VOPP1: variants seen among roughly 807,000 people sequenced by gnomAD.
VOPP1 encodes the protein WW domain binding protein VOPP1.
In VOPP1, 8 loss-of-function variants were observed where a neutral mutation model predicts 23.5. The observed-to-expected ratio is 0.34, with a 90% CI of 0.20 to 0.61. VOPP1 has a LOEUF of 0.61. Among genes scored for constraint, VOPP1 ranks in the 20% least tolerant of loss-of-function variants. The pLI is 0.78. For synonymous variants in VOPP1, 83 were observed against 97.3 expected, an observed-to-expected ratio of 0.85 and a Z score of 0.86; for missense variants, 174 against 238.1, an observed-to-expected ratio of 0.73 and a Z score of 1.77.
At chr7:55,528,353 T>C (rs971245207) in intron 1 of VOPP1, among the ~76,000 whole-genome samples, 9 of 152,250 alleles carry the variant, frequency 5.9e-5, no homozygotes, top group South Asian at 4.1e-4. Flanking sequence ...CCACTATACA[T>C]TTTGTTAGTC....
chr7:55,461,389 T>TA (rs536045594), intron 4 of VOPP1, among the ~76,000 whole-genome samples: 2,095 of 150,980 alleles, frequency 0.014, 19 homozygotes, highest in Middle Eastern at 0.031. Context: ...TACAGAAATT[T>TA]AAAAAAAAAT....
At chr7:55,476,437 TG>T (rs200924383) in intron 4 of VOPP1, among the ~76,000 whole-genome samples, 31 of 20,686 alleles carry the variant, frequency 1.5e-3, no homozygotes, top group Non-Finnish European at 2.8e-3. Context: ...GTCGGGGGGG[TG>T]GGCGGGGGGG....
At chr7:55,548,157 T>C (rs1797447258) in intron 1 of VOPP1, among the ~76,000 whole-genome samples, 1 of 152,244 alleles carries the variant, frequency 6.6e-6, no homozygotes, top group South Asian at 2.1e-4. Flanking sequence ...GCCCTTGCAT[T>C]CTATTTCGTT....
intron 2 of VOPP1, among the ~76,000 whole-genome samples, chr7:55,501,245 T>C (rs1050514274): frequency 6.6e-6 from 1 of 152,170 alleles, no homozygotes; most frequent in Non-Finnish European, 1.5e-5. Flanking sequence ...AAAGATGCGA[T>C]ATGAGGTGAA....
intron 1 of VOPP1, among the ~76,000 whole-genome samples, chr7:55,525,467 C>T (rs1017273979): frequency 8.1e-5 from 12 of 147,674 alleles, no homozygotes; most frequent in Middle Eastern, 3.5e-3. Flanking sequence ...CCAGCCTGGG[C>T]GACAGAGCGA....
At chr7:55,545,631 C>T (rs1170564330) in intron 1 of VOPP1, among the ~76,000 whole-genome samples, 1 of 152,194 alleles carries the variant, frequency 6.6e-6, no homozygotes, top group Admixed American at 6.5e-5. Context: ...AGCTTGCGGG[C>T]CACACTGGTT....
At position 55,541,821 on chromosome 7, in the gene VOPP1, G is replaced by A. The variant is rs533580241; in HGVS notation, c.55-20691C>T. ...AGAGAAGCCCGTCCTAAGGGACCAC[G>A]TTACATGATTCCATTTATATGACAT... is the stretch of plus-strand genomic sequence containing the variant. On this transcript the variant is annotated intron_variant, in intron 1 of 4. Coordinates refer to ENST00000285279, the MANE Select transcript of VOPP1 (RefSeq NM_030796.5). 6.0e-5 allele frequency among the ~76,000 whole-genome samples: 9 copies of A among 148,982 alleles called. No individual in the cohort carries two copies. The South Asian group carries it at 1.5e-3, about 24-fold the overall frequency.
chr7:55,567,452 A>G (rs1798199799), intron 1 of VOPP1, among the ~76,000 whole-genome samples: 1 of 152,248 alleles, frequency 6.6e-6, no homozygotes, highest in African/African-American at 2.4e-5. Context: ...AGCTTCATCA[A>G]GAGGACATGA....
intron 2 of VOPP1, among the ~76,000 whole-genome samples, chr7:55,519,166 T>C (rs1186491105): frequency 6.6e-6 from 1 of 152,194 alleles, no homozygotes; most frequent in Non-Finnish European, 1.5e-5. Context: ...GTGACTTCAC[T>C]TTTCCATTTT....
intron 4 of VOPP1, among the ~76,000 whole-genome samples, chr7:55,486,502 CAG>C (rs1330946645): frequency 2.0e-5 from 3 of 152,136 alleles, no homozygotes; most frequent in Admixed American, 2.0e-4. Flanking sequence ...ATAACGGAGA[CAG>C]AGACAGAATG....
At chr7:55,533,155 A>C (rs965013663) in intron 1 of VOPP1, among the ~76,000 whole-genome samples, 1 of 152,186 alleles carries the variant, frequency 6.6e-6, no homozygotes, top group Non-Finnish European at 1.5e-5. Context: ...CAATCAACTC[A>C]ATCATTTCTG....
intron 4 of VOPP1, among the ~76,000 whole-genome samples, chr7:55,481,663 G>A (rs916681253): frequency 6.6e-6 from 1 of 152,212 alleles, no homozygotes; most frequent in African/African-American, 2.4e-5. Context: ...GCATGCATTT[G>A]TTCATTTACA....
At chr7:55,521,555 T>A (rs1425805625) in intron 1 of VOPP1, 1 of 994,754 alleles carries the variant, frequency 1.0e-6, no homozygotes, top group Non-Finnish European at 1.2e-6. Flanking sequence ...TATTTCAGAA[T>A]ATGCTAAAGC....
chr7:55,517,911 G>A (rs1192321331), intron 2 of VOPP1, among the ~76,000 whole-genome samples: 2 of 152,166 alleles, frequency 1.3e-5, no homozygotes, highest in African/African-American at 4.8e-5. Context: ...TGAGGGTATT[G>A]GACAAGCCAC....
intron 1 of VOPP1, among the ~76,000 whole-genome samples, chr7:55,562,508 T>C (rs1456363878): frequency 3.3e-5 from 5 of 152,332 alleles, no homozygotes; most frequent in Non-Finnish European, 5.9e-5. Context: ...TATTCAAGAC[T>C]ATTGCAATAG....
intron 4 of VOPP1, among the ~76,000 whole-genome samples, chr7:55,440,584 G>T (rs576708100): frequency 6.6e-6 from 1 of 152,328 alleles, no homozygotes; most frequent in African/African-American, 2.4e-5. Context: ...TCACTGTTCA[G>T]CTGTTGGTCA....
At chr7:55,476,922 G>A (rs950639611) in intron 4 of VOPP1, among the ~76,000 whole-genome samples, 8 of 152,168 alleles carry the variant, frequency 5.3e-5, no homozygotes, top group African/African-American at 1.9e-4. Context: ...CTCACCGCCT[G>A]CCCTATTCTC....
intron 4 of VOPP1, among the ~76,000 whole-genome samples, chr7:55,457,286 A>C (rs775044122): frequency 9.2e-5 from 14 of 152,230 alleles, no homozygotes; most frequent in Non-Finnish European, 1.9e-4. Flanking sequence ...TGTTGCTGCA[A>C]ATGACGGAAT....
intron 2 of VOPP1, 37 bp from the exon 3 acceptor site, chr7:55,497,727 G>A (rs1488002441): frequency 1.3e-6 from 2 of 1,594,632 alleles, no homozygotes; most frequent in South Asian, 2.2e-5. Context: ...GCACTGAATT[G>A]GAAGCAGCCA....
Sources: allele counts gnomAD v4.1 joint callset (sites outside exome capture counted in the v4.1 genomes callset), GRCh38; gene constraint gnomAD v4.1.1; transcripts MANE v1.5; gene names NCBI Gene and HGNC (gene_info 2026-07-23, HGNC 2026-07-21).